The following ENOX1 variants were observed in gnomAD, a reference collection of about 807,000 sequenced individuals.
ENOX1 encodes ecto-NOX disulfide-thiol exchanger 1, also known as candidate growth-related and time keeping constitutive hydroquinone (NADH) oxidase.
In ENOX1, 42 loss-of-function variants were observed where a neutral mutation model predicts 82.5. That is an observed-to-expected ratio of 0.51 (90% CI 0.40 to 0.66). ENOX1 has a LOEUF of 0.66. ENOX1 is among the 30% of genes least tolerant of loss of function. The pLI, the probability that ENOX1 is intolerant of heterozygous loss-of-function variation, is 0.00. For synonymous variants in ENOX1, 271 were observed against 282.2 expected, an observed-to-expected ratio of 0.96 and a Z score of 0.40; for missense variants, 608 against 811.6, an observed-to-expected ratio of 0.75 and a Z score of 3.05.
chr13:43,240,734 G>T (rs931182138), intron 14 of ENOX1, among the ~76,000 whole-genome samples: 2 of 152,202 alleles, frequency 1.3e-5, no homozygotes, highest in African/African-American at 4.8e-5. Flanking sequence ...AAAATATTTT[G>T]GAGGAAGTAG....
chr13:43,523,095 C>T (rs536610889), intron 2 of ENOX1, among the ~76,000 whole-genome samples: 133 of 152,290 alleles, frequency 8.7e-4, no homozygotes, highest in South Asian at 5.2e-3. Flanking sequence ...CTGACACACA[C>T]CACAGTCCCT....
At chr13:43,511,948 A>G (rs1448115480) in intron 2 of ENOX1, among the ~76,000 whole-genome samples, 1 of 152,162 alleles carries the variant, frequency 6.6e-6, no homozygotes, top group East Asian at 1.9e-4. Flanking sequence ...TTATGTATAT[A>G]CAGCCTATGG....
rs563866924 is a variant in ENOX1 at position 43,606,983 on chromosome 13, G to A, written c.-219+60496C>T. On this transcript the variant is annotated intron_variant, in intron 2 of 16. Coordinates refer to ENST00000690772, the MANE Select transcript of ENOX1 (RefSeq NM_001347969.2). The stretch of plus-strand genomic sequence containing the variant: ...AGATAGTGCCACTGTGCTCCAGCCT[G>A]GGTGACAGAGCGAGACCCTGTCTCA... Among the ~76,000 whole-genome samples, 12 of 152,236 alleles carry A rather than the reference G, an allele frequency of 7.9e-5. No homozygotes were observed. In the East Asian group the frequency reaches 2.1e-3, roughly 27 times the overall value.
intron 2 of ENOX1, among the ~76,000 whole-genome samples, chr13:43,581,462 C>A (rs1452697569): frequency 1.3e-5 from 2 of 152,148 alleles, no homozygotes; most frequent in African/African-American, 4.8e-5. Flanking sequence ...CTTCCTCTGG[C>A]ATCAATATTT....
chr13:43,448,263 G>A (rs2056767696), intron 3 of ENOX1, among the ~76,000 whole-genome samples: 1 of 152,190 alleles, frequency 6.6e-6, no homozygotes, highest in Admixed American at 6.5e-5. Context: ...ATTGTGCAAA[G>A]ACAGATTTAA....
At chr13:43,716,006 C>T (rs1420014030) in intron 1 of ENOX1, among the ~76,000 whole-genome samples, 1 of 152,222 alleles carries the variant, frequency 6.6e-6, no homozygotes, top group Non-Finnish European at 1.5e-5. Context: ...GTTTGAATTT[C>T]CTCCTGTAGC....
chr13:43,351,636 C>G (rs185845551), intron 8 of ENOX1, among the ~76,000 whole-genome samples: 1 of 138,378 alleles, frequency 7.2e-6, no homozygotes, highest in Admixed American at 7.9e-5. Context: ...TCCATGTGAT[C>G]TCATTGTTCA....
intron 1 of ENOX1, among the ~76,000 whole-genome samples, chr13:43,708,733 G>A (rs184694443): frequency 5.8e-4 from 88 of 151,722 alleles, no homozygotes; most frequent in African/African-American, 1.7e-3. Context: ...ACAATATATA[G>A]GTAAAGTAAC....
chr13:43,516,672 C>A (rs75266150), intron 2 of ENOX1, among the ~76,000 whole-genome samples: 4,651 of 152,214 alleles, frequency 0.031, 123 homozygotes, highest in Non-Finnish European at 0.052. Flanking sequence ...TTCTGGAAAA[C>A]TCTAGTTGGT....
chr13:43,511,365 T>C (rs1044397367), intron 2 of ENOX1, among the ~76,000 whole-genome samples: 1 of 152,180 alleles, frequency 6.6e-6, no homozygotes, highest in Non-Finnish European at 1.5e-5. Flanking sequence ...ATAATTTTAT[T>C]CAGAAGACCT....
At chr13:43,696,403 T>C (rs1294401172) in intron 1 of ENOX1, among the ~76,000 whole-genome samples, 3 of 152,250 alleles carry the variant, frequency 2.0e-5, no homozygotes, top group African/African-American at 7.2e-5. Flanking sequence ...GCCATTTTCT[T>C]TGCTATTTGA....
At chr13:43,623,573 G>C (rs951527477) in intron 2 of ENOX1, among the ~76,000 whole-genome samples, 2 of 152,236 alleles carry the variant, frequency 1.3e-5, no homozygotes, top group East Asian at 3.9e-4. Context: ...TCACGGTTGG[G>C]GCACTCAACA....
chr13:43,381,635 G>A (rs2052055428), intron 5 of ENOX1, among the ~76,000 whole-genome samples: 1 of 151,804 alleles, frequency 6.6e-6, no homozygotes, highest in Non-Finnish European at 1.5e-5. Context: ...ACTCCAGCCA[G>A]CCTTAGGCAG....
chr13:43,556,619 GATTA>G (rs1351023466), intron 2 of ENOX1, among the ~76,000 whole-genome samples: 23 of 151,748 alleles, frequency 1.5e-4, no homozygotes, highest in Admixed American at 1.5e-3. Flanking sequence ...ATTCATTCAT[GATTA>G]ATTATTTCTT....
chr13:43,762,455 C>T lies in ENOX1; in HGVS notation c.-285+24197G>A, dbSNP rs191790446. Among the ~76,000 whole-genome samples the T allele has an allele frequency of 1.9e-4, 29 of 152,332 alleles. No homozygotes were observed. The East Asian group carries it at 5.2e-3, about 27-fold the overall frequency. On this transcript the variant is annotated intron_variant, in intron 1 of 16. Coordinates refer to ENST00000690772, the MANE Select transcript of ENOX1 (RefSeq NM_001347969.2). ...TCAATTTTCTCACATATATAGTTAA[C>T]TATGAGATAAAATTTGAATTTAACT...
At chr13:43,383,019 A>C (rs2052167868) in intron 5 of ENOX1, among the ~76,000 whole-genome samples, 1 of 152,152 alleles carries the variant, frequency 6.6e-6, no homozygotes, top group Non-Finnish European at 1.5e-5. Flanking sequence ...AAATTAAACA[A>C]ACACAGCCAG....
intron 1 of ENOX1, among the ~76,000 whole-genome samples, chr13:43,692,817 G>C (rs1052027903): frequency 3.3e-5 from 5 of 152,098 alleles, no homozygotes; most frequent in Admixed American, 3.3e-4. Flanking sequence ...ATACTGCTGA[G>C]AGTAAACTGA....
chr13:43,460,263 A>C (rs1325411636), intron 3 of ENOX1, among the ~76,000 whole-genome samples: 2 of 152,052 alleles, frequency 1.3e-5, no homozygotes, highest in Non-Finnish European at 2.9e-5. Context: ...ACCTATTGCA[A>C]TGTTTTCCCT....
intron 3 of ENOX1, among the ~76,000 whole-genome samples, chr13:43,461,361 T>C (rs181470164): frequency 8.5e-5 from 13 of 152,230 alleles, no homozygotes; most frequent in Non-Finnish European, 1.6e-4. Flanking sequence ...TTCATCTACA[T>C]TCATTTATTC....
Sources: gnomAD v4.1 joint callset for allele counts (sites outside exome capture counted in the v4.1 genomes callset) on GRCh38, gnomAD v4.1.1 for gene constraint, MANE v1.5 for transcripts, NCBI Gene and HGNC (gene_info 2026-07-23, HGNC 2026-07-21) for gene names.